Variants in U2SURP observed in about 807,000 individuals in gnomAD.
U2SURP encodes U2 snRNP associated SURP domain containing, also known as U2 snRNP-associated SURP motif-containing protein.
A neutral mutation model predicts 144.9 loss-of-function variants in U2SURP; 9 were observed. The ratio of observed to expected loss-of-function variants is 0.06; its 90% CI spans 0.04 to 0.11. U2SURP has a LOEUF of 0.11. Among genes scored for constraint, U2SURP ranks in the 10% least tolerant of loss-of-function variants. The probability of loss-of-function intolerance (pLI) is 1.00; values close to 1 mark genes in which losing one functional copy is unlikely to be tolerated. For missense variants in U2SURP, 724 were observed against 1,226.7 expected, an observed-to-expected ratio of 0.59 and a Z score of 6.12; for synonymous variants, 408 against 396.8, an observed-to-expected ratio of 1.03 and a Z score of -0.33.
chr3:143,028,210 C>A, intron 14 of U2SURP, 130 bp from the exon 15 acceptor site: 2 of 1,102,718 alleles, frequency 1.8e-6, no homozygotes, highest in Non-Finnish European at 2.6e-6. Context: ...GTGAGATTCT[C>A]TTCAGGGATC....
Position 143,055,024 on chromosome 3 carries a change from G to A in U2SURP, c.2856G>A (p.Glu952=). 1 of 1,608,210 alleles carries A rather than the reference G, an allele frequency of 6.2e-7. No homozygotes were observed. The highest frequency in any genetic ancestry group is 8.5e-7 in the Non-Finnish European group (1 of 1,177,346). Residue 952 remains glutamate (E), a synonymous_variant, in exon 27 of 28, where the codon GAG becomes GAA. Transcript: ENST00000473835. ...RRVKSPSPKS[E]RSERSERSHK... is the part of the protein sequence containing the mutation. ...TGAAATCCCCATCACCAAAATCGGA[G>A]CGATCAGAGCGTTCAGAAAGATCTC...
At chr3:143,031,816 T>C (rs1933516527) in intron 16 of U2SURP, among the ~76,000 whole-genome samples, 1 of 152,346 alleles carries the variant, frequency 6.6e-6, no homozygotes, top group South Asian at 2.1e-4. Context: ...ATTCATTGCC[T>C]ATGAGAGCAT....
intron 4 of U2SURP, among the ~76,000 whole-genome samples, chr3:143,015,940 A>G (rs1201124378): frequency 2.0e-5 from 3 of 152,136 alleles, no homozygotes; most frequent in African/African-American, 7.2e-5. Context: ...CTTGGTAAAC[A>G]TTACTAGCAA....
chr3:143,060,641 G>A lies in U2SURP; in HGVS notation c.*4191G>A, dbSNP rs527290877. The A allele has an allele frequency of 1.3e-5, 2 of 152,070 alleles. No homozygotes were observed. The highest frequency in any genetic ancestry group is 2.9e-5 in the Non-Finnish European group (2 of 67,876). The allele number at this position is 152,070 out of a possible 1,614,324, so 9.4% of individuals were successfully genotyped here. On this transcript the variant is annotated 3_prime_UTR_variant, in exon 28 of 28. Transcript: ENST00000473835. ...AGCAGCTTTCTCTCAAGTGAAATAA[G>A]TGATGTGACATGTTTATCAGTTATG...
chr3:143,013,561 G>T (rs768139557), intron 3 of U2SURP, among the ~76,000 whole-genome samples: 3 of 151,924 alleles, frequency 2.0e-5, no homozygotes, highest in African/African-American at 7.2e-5. Context: ...ATTTTAGGTT[G>T]TATTTAATAA....
chr3:143,033,032 CTGAT>C (rs1162934610), intron 17 of U2SURP, 86 bp downstream of exon 17: 1 of 1,432,688 alleles, frequency 7.0e-7, no homozygotes, highest in Non-Finnish European at 9.5e-7. Flanking sequence ...AAGCACTTGA[CTGAT>C]GAGATTTTTC....
chr3:143,030,889 G>T (rs949645753), intron 16 of U2SURP, among the ~76,000 whole-genome samples: 1 of 151,908 alleles, frequency 6.6e-6, no homozygotes, highest in African/African-American at 2.4e-5. Context: ...CTATTAAAAA[G>T]AAATTTAAAA....
At chr3:143,032,757 T>TTA (rs762166234) in intron 16 of U2SURP, 27 bp from the exon 17 acceptor site, 38 of 1,580,966 alleles carry the variant, frequency 2.4e-5, no homozygotes, top group Non-Finnish European at 3.2e-5. Context: ...ATCTAAATAT[T>TTA]TATAAGTTAA....
At chr3:143,016,133 C>T (rs560288345) in intron 4 of U2SURP, 124 bp from the exon 5 acceptor site, 8 of 659,180 alleles carry the variant, frequency 1.2e-5, no homozygotes, top group Admixed American at 1.2e-4. Context: ...GACGTTATTA[C>T]TTGTTAGGAC....
At position 143,055,072 on chromosome 3, in the gene U2SURP, G is replaced by A. The variant is rs750157567; in HGVS notation, c.2904G>A (p.Arg968=). The change falls in exon 27 of 28, where the codon AGG becomes AGA. Residue 968 remains arginine (R), a synonymous_variant. Coordinates refer to ENST00000473835, the MANE Select transcript of U2SURP (RefSeq NM_001080415.2). ...ERSHKESSRS[R]SSHKDSPRDV... is the part of the protein sequence containing the mutation. ...CTCATAAAGAGAGCTCACGGTCCAG[G>A]TCATCTCACAAAGATTCTCCTAGAG... 1 of 1,606,732 alleles carries A rather than the reference G, an allele frequency of 6.2e-7. No individual in the cohort carries two copies. The highest frequency in any genetic ancestry group is 8.5e-7 in the Non-Finnish European group (1 of 1,177,122).
chr3:143,045,845 C>CT (rs1261055834), intron 24 of U2SURP, among the ~76,000 whole-genome samples: 1 of 152,168 alleles, frequency 6.6e-6, no homozygotes, highest in Non-Finnish European at 1.5e-5. Context: ...CTAATCTTCT[C>CT]TTGTGTTTCC....
At chr3:143,036,374 ATAAGCAAG>A (rs1933808337) in intron 20 of U2SURP, among the ~76,000 whole-genome samples, 1 of 94,546 alleles carries the variant, frequency 1.1e-5, no homozygotes, top group Non-Finnish European at 2.4e-5. Flanking sequence ...ATAGTAGAAA[ATAAGCAAG>A]TAATAGAGCA....
At chr3:143,013,956 GT>G (rs1936237425) in intron 3 of U2SURP, among the ~76,000 whole-genome samples, 1 of 151,950 alleles carries the variant, frequency 6.6e-6, no homozygotes, top group Admixed American at 6.6e-5. Flanking sequence ...TTGAGGATCT[GT>G]TTTCTGTCAT....
intron 25 of U2SURP, among the ~76,000 whole-genome samples, chr3:143,052,192 C>G (rs538925675): frequency 2.7e-4 from 41 of 152,140 alleles, no homozygotes; most frequent in African/African-American, 9.7e-4. Flanking sequence ...GTCAGGAGTT[C>G]AAGACCAGCC....
chr3:143,011,323 C>G (rs1218061402), intron 2 of U2SURP, among the ~76,000 whole-genome samples: 2 of 152,000 alleles, frequency 1.3e-5, no homozygotes, highest in African/African-American at 2.4e-5. Context: ...TTAAAGCTTT[C>G]AAGTAACATT....
chr3:143,012,847 G>C (rs1199989823), intron 3 of U2SURP, among the ~76,000 whole-genome samples: 3 of 152,066 alleles, frequency 2.0e-5, no homozygotes, highest in African/African-American at 4.8e-5. Context: ...AGTGCTCTCA[G>C]GCTCTTTTAG....
At chr3:143,012,005 C>G (rs1936138273) in intron 2 of U2SURP, 1 of 665,546 alleles carries the variant, frequency 1.5e-6, no homozygotes, top group Non-Finnish European at 2.7e-6. Context: ...CAACTGTTAC[C>G]AATATAAAAT....
intron 6 of U2SURP, among the ~76,000 whole-genome samples, chr3:143,018,535 A>T (rs2108280139): frequency 6.6e-6 from 1 of 151,172 alleles, no homozygotes; most frequent in South Asian, 2.1e-4. Context: ...TTTTTGTGTG[A>T]ACTTATGTTT....
At chr3:143,021,933 TC>T (rs986097131) in intron 10 of U2SURP, among the ~76,000 whole-genome samples, 19 of 152,334 alleles carry the variant, frequency 1.2e-4, no homozygotes, top group Admixed American at 1.2e-3. Context: ...TTAATTCTTT[TC>T]CTGCATTGGT....
Sources: allele counts gnomAD v4.1 joint callset (sites outside exome capture counted in the v4.1 genomes callset), GRCh38; gene constraint gnomAD v4.1.1; transcripts MANE v1.5; gene names NCBI Gene and HGNC (gene_info 2026-07-23, HGNC 2026-07-21).